The following DAPK1 variants were observed in gnomAD, a reference collection of about 807,000 sequenced individuals.
DAPK1 encodes death associated protein kinase 1.
A neutral mutation model predicts 144.9 loss-of-function variants in DAPK1; 56 were observed. The ratio of observed to expected loss-of-function variants is 0.39; its 90% CI spans 0.31 to 0.48. The LOEUF is 0.48. DAPK1 is among the 20% of genes least tolerant of loss of function. DAPK1 has a pLI of 0.95. For missense variants in DAPK1, 1,454 were observed against 1,875.4 expected (o/e 0.78, Z 4.15); for synonymous variants, 690 against 749.0 (o/e 0.92, Z 1.29).
intron 2 of DAPK1, among the ~76,000 whole-genome samples, chr9:87,521,801 T>C (rs1178616162): frequency 6.6e-6 from 1 of 152,228 alleles, no homozygotes; most frequent in East Asian, 1.9e-4. Context: ...TCAAACTTAA[T>C]CTCCAGTATG....
At chr9:87,545,349 C>T (rs1279014646) in intron 2 of DAPK1, among the ~76,000 whole-genome samples, 2 of 152,116 alleles carry the variant, frequency 1.3e-5, no homozygotes, top group Non-Finnish European at 2.9e-5. Flanking sequence ...ATGAAGAGAT[C>T]GTAATGGCTG....
intron 19 of DAPK1, among the ~76,000 whole-genome samples, chr9:87,670,210 G>A (rs757562874): frequency 3.9e-5 from 6 of 151,930 alleles, no homozygotes; most frequent in South Asian, 2.1e-4. Flanking sequence ...CCCGTGAGTC[G>A]TGGTTACCAT....
At chr9:87,509,625 G>A (rs1824754627) in intron 2 of DAPK1, among the ~76,000 whole-genome samples, 1 of 152,206 alleles carries the variant, frequency 6.6e-6, no homozygotes, top group South Asian at 2.1e-4. Context: ...CCCCCACAAT[G>A]CTGGGATTAC....
intron 3 of DAPK1, among the ~76,000 whole-genome samples, chr9:87,612,063 G>A (rs1021462600): frequency 2.6e-5 from 4 of 152,158 alleles, no homozygotes; most frequent in Non-Finnish European, 4.4e-5. Context: ...GCATCGCGTG[G>A]CAAGAGAGGG....
At chr9:87,636,490 T>A (rs888849448) in intron 3 of DAPK1, among the ~76,000 whole-genome samples, 1 of 152,204 alleles carries the variant, frequency 6.6e-6, no homozygotes, top group Non-Finnish European at 1.5e-5. Flanking sequence ...TTGGAAGCCC[T>A]CACACAGCAG....
intron 2 of DAPK1, among the ~76,000 whole-genome samples, chr9:87,597,408 G>T (rs1015052698): frequency 1.3e-5 from 2 of 152,090 alleles, no homozygotes; most frequent in South Asian, 2.1e-4. Flanking sequence ...AGTTCCAATG[G>T]GGGGGAAAAT....
chr9:87,503,210 T>C (rs1824472304), intron 2 of DAPK1, among the ~76,000 whole-genome samples: 1 of 152,112 alleles, frequency 6.6e-6, no homozygotes, highest in Non-Finnish European at 1.5e-5. Flanking sequence ...GTGTGATGTG[T>C]CTAAAATATA....
At chr9:87,530,940 CA>C (rs1825676733) in intron 2 of DAPK1, among the ~76,000 whole-genome samples, 1 of 151,970 alleles carries the variant, frequency 6.6e-6, no homozygotes, top group Non-Finnish European at 1.5e-5. Flanking sequence ...CTTCCTTTCC[CA>C]GGGGGATGGA....
Position 87,706,429 on chromosome 9 carries a change from G to A in DAPK1, c.3358G>A (p.Glu1120Lys). ...DNLHRSWADE[E>K]DEVMVYGGVR... ...CCTGCACCGCTCCTGGGCTGATGAG[G>A]AGGACGAGGTGATGGTGTATGGTGG... The change falls in exon 26 of 26, where the codon GAG (glutamate) becomes AAG (lysine). Residue 1120 changes from glutamate to lysine, a missense_variant. Physicochemically the swap from Glu to Lys is moderately conservative, Grantham distance 56. Coordinates refer to ENST00000408954, the MANE Select transcript of DAPK1 (RefSeq NM_004938.4). The surrounding 1 kb of genome is among the most constrained non-coding windows in gnomAD (Gnocchi z 9.0). 6.2e-7 allele frequency: 1 copy of A among 1,613,580 alleles called. No homozygotes were observed. The highest frequency in any genetic ancestry group is 1.3e-5 in the African/African-American group (1 of 75,048).
At chr9:87,530,462 G>C (rs1825661683) in intron 2 of DAPK1, among the ~76,000 whole-genome samples, 1 of 152,148 alleles carries the variant, frequency 6.6e-6, no homozygotes, top group Admixed American at 6.5e-5. Context: ...TGTCTCCAAG[G>C]GTCAAATCTT....
chr9:87,555,181 A>G (rs1215681344), intron 2 of DAPK1, among the ~76,000 whole-genome samples: 1 of 152,184 alleles, frequency 6.6e-6, no homozygotes, highest in Non-Finnish European at 1.5e-5. Flanking sequence ...GAAGTTCCTT[A>G]TTTCTAAACC....
chr9:87,604,584 G>A (rs976141242), intron 2 of DAPK1, among the ~76,000 whole-genome samples: 1 of 151,984 alleles, frequency 6.6e-6, no homozygotes, highest in Non-Finnish European at 1.5e-5. Flanking sequence ...TCAATCCCTC[G>A]TTTTTCAGGC....
intron 2 of DAPK1, among the ~76,000 whole-genome samples, chr9:87,523,531 C>T (rs1825379381): frequency 6.6e-6 from 1 of 152,198 alleles, no homozygotes; most frequent in South Asian, 2.1e-4. Context: ...AACTCTTGGG[C>T]TCCAGCGATC....
At chr9:87,639,123 G>GT (rs569837125) in intron 4 of DAPK1, among the ~76,000 whole-genome samples, 166 of 152,134 alleles carry the variant, frequency 1.1e-3, no homozygotes, top group African/African-American at 3.9e-3. Flanking sequence ...TCTACCAAGT[G>GT]TTTCCTGGTG....
At chr9:87,598,147 C>T (rs1419106431) in intron 2 of DAPK1, among the ~76,000 whole-genome samples, 4 of 152,184 alleles carry the variant, frequency 2.6e-5, no homozygotes, top group African/African-American at 7.2e-5. Context: ...TTCTAATATT[C>T]TGGCAGAATT....
At chr9:87,653,551 G>A (rs1830532651) in intron 17 of DAPK1, among the ~76,000 whole-genome samples, 1 of 152,130 alleles carries the variant, frequency 6.6e-6, no homozygotes, top group South Asian at 2.1e-4. Context: ...ATGAGGCTCT[G>A]TAGAGGAATC....
intron 21 of DAPK1, among the ~76,000 whole-genome samples, chr9:87,692,116 C>G (rs1425283387): frequency 2.6e-5 from 4 of 152,096 alleles, no homozygotes; most frequent in African/African-American, 7.2e-5. Flanking sequence ...TGAAGTCTAT[C>G]TGTTCCTATA....
chr9:87,530,790 C>G (rs972341097), intron 2 of DAPK1, among the ~76,000 whole-genome samples: 13 of 152,100 alleles, frequency 8.5e-5, no homozygotes, highest in African/African-American at 3.1e-4. Flanking sequence ...GCCTTCTTGT[C>G]GCAGGTGGGA....
chr9:87,576,823 G>A (rs1827579891), intron 2 of DAPK1, among the ~76,000 whole-genome samples: 1 of 152,146 alleles, frequency 6.6e-6, no homozygotes, highest in South Asian at 2.1e-4. Context: ...GCCTCCCAAA[G>A]TGCTGAGATT....
Sources: gnomAD v4.1 joint callset for allele counts (sites outside exome capture counted in the v4.1 genomes callset) on GRCh38, gnomAD v4.1.1 for gene constraint, Gnocchi (gnomAD v3.1) non-coding constraint, MANE v1.5 for transcripts, NCBI Gene and HGNC (gene_info 2026-07-23, HGNC 2026-07-21) for gene names.